Variants in HOXD11 observed in about 807,000 individuals in gnomAD.
The protein encoded by HOXD11 is homeobox D11.
A neutral mutation model predicts 23.1 loss-of-function variants in HOXD11; 16 were observed. The ratio of observed to expected loss-of-function variants is 0.69; its 90% CI spans 0.47 to 1.05. HOXD11 has a LOEUF of 1.05. Among genes scored for constraint, HOXD11 ranks in the 50% least tolerant of loss-of-function variants. The pLI, the probability that HOXD11 is intolerant of heterozygous loss-of-function variation, is 0.00. For missense variants in HOXD11, 564 were observed against 495.6 expected, an observed-to-expected ratio of 1.14 and a Z score of -1.31; for synonymous variants, 262 against 224.4, an observed-to-expected ratio of 1.17 and a Z score of -1.50.
intron 1 of HOXD11, chr2:176,108,659 C>CTGGGTG: frequency 3.1e-6 from 1 of 325,008 alleles, no homozygotes. Context: ...GTGCCAGGCT[C>CTGGGTG]TGTGTGTGTG....
chr2:176,113,394 C>G (rs1278337599), downstream of HOXD11, among the ~76,000 whole-genome samples: 1 of 152,232 alleles, frequency 6.6e-6, no homozygotes, highest in African/African-American at 2.4e-5. Flanking sequence ...CTGGAAAGAA[C>G]TGTGGCAGGG....
chr2:176,107,321 G>A lies in HOXD11; in HGVS notation c.-35G>A. On this transcript the variant is annotated 5_prime_UTR_variant, in exon 1 of 2. Transcript: ENST00000249504. ...GGCTCAGGTTGGCTGCGCGGGGAGCGGCCAGAGGCTCGCTGGCGCGCACGC... is the reference window on the plus strand; with the variant it reads ...GGCTCAGGTTGGCTGCGCGGGGAGCAGCCAGAGGCTCGCTGGCGCGCACGC... 1 of 1,572,420 alleles carries A rather than the reference G, an allele frequency of 6.4e-7. No homozygotes were observed. The highest frequency in any genetic ancestry group is 1.2e-5 in the South Asian group (1 of 86,784).
chr2:176,112,218 C>A (rs1293969099), downstream of HOXD11, among the ~76,000 whole-genome samples: 2 of 152,226 alleles, frequency 1.3e-5, no homozygotes, highest in African/African-American at 4.8e-5. Flanking sequence ...AGCTGCACGC[C>A]GGTCTTGAGC....
At chr2:176,110,551 T>G (rs1279687862), downstream of HOXD11, among the ~76,000 whole-genome samples, 1 of 152,164 alleles carries the variant, frequency 6.6e-6, no homozygotes, top group Non-Finnish European at 1.5e-5. Flanking sequence ...AAAATGCAAT[T>G]AAAAAAATTG....
rs1442744253 is a variant in HOXD11, at chr2:176,107,305, T to C, written c.-51T>C. On this transcript the variant is annotated 5_prime_UTR_variant, in exon 1 of 2. Transcript: ENST00000249504. ...CTCTTGTGCAATCGATGGCTCAGGTTGGCTGCGCGGGGAGCGGCCAGAGGC... is the reference window on the plus strand; with the variant it reads ...CTCTTGTGCAATCGATGGCTCAGGTCGGCTGCGCGGGGAGCGGCCAGAGGC... 12 of 1,563,662 alleles carry C rather than the reference T, an allele frequency of 7.7e-6. No homozygotes were observed. Among genetic ancestry groups the C allele is most frequent in the African/African-American group, 1.4e-5 (1 of 73,652 alleles).
chr2:176,109,144 A>G lies in HOXD11; in HGVS notation c.*2A>G, dbSNP rs748700829. On this transcript the variant is annotated 3_prime_UTR_variant, in exon 2 of 2. Transcript: ENST00000249504. Reference sequence around the variant, plus strand: ...TTCACTGGAAACCCCTTATTTTGAGAGCTCCAGGAAGCGCCCTCACCCCAG... The same window carrying G: ...TTCACTGGAAACCCCTTATTTTGAGGGCTCCAGGAAGCGCCCTCACCCCAG... 6.3e-7 allele frequency: 1 copy of G among 1,585,402 alleles called. No individual in the cohort carries two copies. Among genetic ancestry groups the G allele is most frequent in the Non-Finnish European group, 8.7e-7 (1 of 1,154,240 alleles).
chr2:176,113,254 C>CCCTA (rs1689702179), downstream of HOXD11, among the ~76,000 whole-genome samples: 5 of 152,310 alleles, frequency 3.3e-5, no homozygotes, highest in South Asian at 1.0e-3. Context: ...TCCGGGGTGA[C>CCCTA]CCTAAGAGCC....
chr2:176,108,019 G>A lies in HOXD11; in HGVS notation c.664G>A (p.Gly222Ser). 6.7e-7 allele frequency: 1 copy of A among 1,490,554 alleles called. No individual in the cohort carries two copies. The highest frequency in any genetic ancestry group is 1.5e-5 in the African/African-American group (1 of 68,932). 92.3% of individuals were successfully genotyped at this position (1,490,554 alleles called of 1,614,324 possible). The part of the protein sequence containing the change: ...DPRTGAGGGG[G>S]SPCTKATPGS... ...CAGGACCGGGGCTGGTGGCGGCGGG[G>A]GCAGTCCCTGCACCAAGGCGACCCC... The change falls in exon 1 of 2, where the codon GGC becomes AGC. Residue 222 changes from glycine to serine, a missense_variant. Physicochemically the swap from Gly to Ser is moderately conservative, Grantham distance 56 (BLOSUM62 0). Transcript: ENST00000249504.
rs1354655194 is a variant in HOXD11, at chr2:176,108,101, C to G, written c.746C>G (p.Pro249Arg). ...EGSGGDGEGP[P>R]GEAGAEKSSS... ...AGCGGTGGCGACGGCGAGGGCCCCC[C>G]GGGAGAGGCGGGGGCCGAGAAGAGC... Residue 249 changes from proline to arginine, a missense_variant, in exon 1 of 2, where the codon CCG becomes CGG. Coordinates refer to ENST00000249504, the MANE Select transcript of HOXD11 (RefSeq NM_021192.3). The G allele has an allele frequency of 2.2e-6, 3 of 1,350,508 alleles. No homozygotes were observed. The highest frequency in any genetic ancestry group is 4.0e-5 in the East Asian group (1 of 25,214). The allele number at this position is 1,350,508 out of a possible 1,614,324, so 83.7% of individuals were successfully genotyped here.
chr2:176,114,458 C>A (rs185184983), downstream of HOXD11, among the ~76,000 whole-genome samples: 19 of 152,226 alleles, frequency 1.2e-4, no homozygotes, highest in Admixed American at 9.8e-4. Context: ...AGGCGCCAGG[C>A]TTTTAACCTG....
rs1470227696 is a variant in HOXD11 at position 176,107,332 on chromosome 2, C to T, written c.-24C>T. 3 of 1,557,512 alleles carry T rather than the reference C, an allele frequency of 1.9e-6. No individual in the cohort carries two copies. The highest frequency in any genetic ancestry group is 2.6e-6 in the Non-Finnish European group (3 of 1,153,662). ...GCTGCGCGGGGAGCGGCCAGAGGCT[C>T]GCTGGCGCGCACGCCGCGGAGTCAT... On this transcript the variant is annotated 5_prime_UTR_variant, in exon 1 of 2. Transcript: ENST00000249504.
chr2:176,115,034 GC>G, the HOXD11 span, among the ~76,000 whole-genome samples: 1 of 152,268 alleles, frequency 6.6e-6, no homozygotes, highest in African/African-American at 2.4e-5. Flanking sequence ...CCCCGCTGCT[GC>G]CCCGAGGCCC....
rs1689600965 is a variant in HOXD11 at position 176,107,668 on chromosome 2, C to T, written c.313C>T (p.Pro105Ser). 1.0e-6 allele frequency: 1 copy of T among 979,590 alleles called. No homozygotes were observed. Among genetic ancestry groups the T allele is most frequent in the Non-Finnish European group, 1.2e-6 (1 of 826,368 alleles). 60.7% of individuals were successfully genotyped at this position (979,590 alleles called of 1,614,324 possible). A position where few individuals can be genotyped will look rare whatever the true frequency, so the allele number is the denominator to read the frequency against. The change falls in exon 1 of 2, where the codon CCC (proline) becomes TCC (serine). Residue 105 changes from proline (P) to serine (S), a missense_variant. Transcript: ENST00000249504. Reference sequence around the variant, plus strand: ...CGGCGGCGGCGCGGGGGGCTACGCTCCCTACTACGCGGCGGCGGCGGCGGC... The same window carrying T: ...CGGCGGCGGCGCGGGGGGCTACGCTTCCTACTACGCGGCGGCGGCGGCGGC... Reference protein sequence around the residue: ...GGGGGAGGYAPYYAAAAAAAA... With the variant: ...GGGGGAGGYASYYAAAAAAAA...
At chr2:176,110,954 T>C (rs1283156260), downstream of HOXD11, among the ~76,000 whole-genome samples, 1 of 152,198 alleles carries the variant, frequency 6.6e-6, no homozygotes, top group Non-Finnish European at 1.5e-5. Context: ...TCTTAAATAG[T>C]GGTCCCCTTT....
rs1167546538 is a variant in HOXD11, at chr2:176,109,156, C to G, written c.*14C>G. Reference sequence around the variant, plus strand: ...CCCTTATTTTGAGAGCTCCAGGAAGCGCCCTCACCCCAGCCCCACTCACCC... The same window carrying G: ...CCCTTATTTTGAGAGCTCCAGGAAGGGCCCTCACCCCAGCCCCACTCACCC... On this transcript the variant is annotated 3_prime_UTR_variant, in exon 2 of 2. Coordinates refer to ENST00000249504, the MANE Select transcript of HOXD11 (RefSeq NM_021192.3). 1.3e-6 allele frequency: 2 copies of G among 1,526,714 alleles called. No homozygotes were observed. Among genetic ancestry groups the G allele is most frequent in the Non-Finnish European group, 1.8e-6 (2 of 1,100,778 alleles). 94.6% of individuals were successfully genotyped at this position (1,526,714 alleles called of 1,614,324 possible). A position where few individuals can be genotyped will look rare whatever the true frequency, so the allele number is the denominator to read the frequency against.
chr2:176,110,425 T>C (rs2105389496), downstream of HOXD11, among the ~76,000 whole-genome samples: 1 of 152,350 alleles, frequency 6.6e-6, no homozygotes, highest in South Asian at 2.1e-4. Context: ...AAAAGCTCTC[T>C]CTCTGAAAAG....
Position 176,109,315 on chromosome 2 carries a change from C to T in HOXD11, c.*173C>T, listed in dbSNP as rs917556912. 10 of 603,202 alleles carry T rather than the reference C, an allele frequency of 1.7e-5. No individual in the cohort carries two copies. The highest frequency in any genetic ancestry group is 1.4e-4 in the South Asian group (7 of 48,864). The allele number at this position is 603,202 out of a possible 1,614,324, so 37.4% of individuals were successfully genotyped here. A position where few individuals can be genotyped will look rare whatever the true frequency, so the allele number is the denominator to read the frequency against. The stretch of plus-strand genomic sequence containing the variant: ...CCCAGCGACCACTGCAGCCTGCGGA[C>T]GAGGCCGGGACTTGGCCGAGCGGAT... On this transcript the variant is annotated 3_prime_UTR_variant, in exon 2 of 2. Transcript: ENST00000249504.
rs761783813 is a variant in HOXD11, at chr2:176,107,321, G to C, written c.-35G>C. ...GGCTCAGGTTGGCTGCGCGGGGAGC[G>C]GCCAGAGGCTCGCTGGCGCGCACGC... On this transcript the variant is annotated 5_prime_UTR_variant, in exon 1 of 2. Transcript: ENST00000249504. 20 of 1,572,420 alleles carry C rather than the reference G, an allele frequency of 1.3e-5. No individual in the cohort carries two copies. The highest frequency in any genetic ancestry group is 1.6e-5 in the Non-Finnish European group (18 of 1,158,568).
Position 176,107,534 on chromosome 2 carries a change from A to G in HOXD11, c.179A>G (p.Glu60Gly), listed in dbSNP as rs1233931776. 1 of 1,612,814 alleles carries G rather than the reference A, an allele frequency of 6.2e-7. No homozygotes were observed. The highest frequency in any genetic ancestry group is 1.1e-5 in the South Asian group (1 of 91,008). Residue 60 changes from glutamate to glycine, a missense_variant, in exon 1 of 2, where the codon GAA becomes GGA. Physicochemically the swap from Glu to Gly is moderately conservative, Grantham distance 98. Transcript: ENST00000249504. ...NLAPHVQPVR[E>G]VAFRDYGLER... is the part of the protein sequence containing the mutation. ...GCTCCGCACGTCCAGCCCGTGCGCG[A>G]AGTGGCCTTCCGCGACTACGGCCTG...
Sources: allele counts gnomAD v4.1 joint callset (sites outside exome capture counted in the v4.1 genomes callset), GRCh38; gene constraint gnomAD v4.1.1; transcripts MANE v1.5; gene names NCBI Gene and HGNC (gene_info 2026-07-23, HGNC 2026-07-21).